OSBPL6: variants seen among roughly 807,000 people sequenced by gnomAD.
OSBPL6 encodes the protein oxysterol binding protein like 6, also known as oxysterol-binding protein-related protein 6.
In OSBPL6, 49 loss-of-function variants were observed where a neutral mutation model predicts 125.8. That is an observed-to-expected ratio of 0.39 (90% confidence interval 0.31 to 0.49). OSBPL6 has a LOEUF of 0.49. OSBPL6 is among the 20% of genes least tolerant of loss of function. OSBPL6 has a pLI of 0.88. For synonymous variants in OSBPL6, 394 were observed against 391.8 expected (o/e 1.01, Z -0.07); for missense variants, 986 against 1,135.4 (o/e 0.87, Z 1.89).
At chr2:178,352,868 C>G (rs1488241597) in intron 12 of OSBPL6, among the ~76,000 whole-genome samples, 1 of 152,110 alleles carries the variant, frequency 6.6e-6, no homozygotes, top group Non-Finnish European at 1.5e-5. Flanking sequence ...TAGGTGGGTG[C>G]CTCTCTGAGA....
intron 1 of OSBPL6, among the ~76,000 whole-genome samples, chr2:178,238,011 C>T (rs2091131918): frequency 6.6e-6 from 1 of 152,138 alleles, no homozygotes; most frequent in South Asian, 2.1e-4. Context: ...CAGCCAAATC[C>T]AGGGAATGAC....
At chr2:178,318,300 G>C (rs1185373176) in intron 3 of OSBPL6, among the ~76,000 whole-genome samples, 1 of 152,206 alleles carries the variant, frequency 6.6e-6, no homozygotes, top group Non-Finnish European at 1.5e-5. Context: ...GAAGGGATGG[G>C]ACTGTGCTCA....
At chr2:178,228,468 G>T (rs1242874904) in intron 1 of OSBPL6, among the ~76,000 whole-genome samples, 1 of 152,220 alleles carries the variant, frequency 6.6e-6, no homozygotes. Flanking sequence ...CCGGGAGGTG[G>T]AGCTTGCAGT....
At chr2:178,347,218 T>C (rs983553287) in intron 11 of OSBPL6, among the ~76,000 whole-genome samples, 1 of 152,064 alleles carries the variant, frequency 6.6e-6, no homozygotes, top group African/African-American at 2.4e-5. Flanking sequence ...CATGACCCCA[T>C]TCCTCACCCG....
chr2:178,268,496 T>C (rs10208092), intron 1 of OSBPL6, among the ~76,000 whole-genome samples: 2,426 of 152,310 alleles, frequency 0.016, 68 homozygotes, highest in African/African-American at 0.055. Context: ...GATGAAGATA[T>C]AGAGCATTTC....
intron 11 of OSBPL6, among the ~76,000 whole-genome samples, chr2:178,347,445 A>G (rs1013350567): frequency 7.4e-6 from 1 of 134,922 alleles, no homozygotes; most frequent in Non-Finnish European, 1.6e-5. Flanking sequence ...GTCTCTCCCC[A>G]TGACATCCTA....
chr2:178,226,428 C>T (rs1207271964), intron 1 of OSBPL6, among the ~76,000 whole-genome samples: 6 of 152,172 alleles, frequency 3.9e-5, no homozygotes. Context: ...GAAGGCTAGA[C>T]AATGGGTCTG....
chr2:178,273,965 T>A (rs780180439), intron 1 of OSBPL6, among the ~76,000 whole-genome samples: 6 of 152,134 alleles, frequency 3.9e-5, no homozygotes, highest in Admixed American at 2.0e-4. Flanking sequence ...GAAAGCTGAG[T>A]CATTGAGCTC....
chr2:178,384,885 A>G (rs1452961971), intron 18 of OSBPL6, among the ~76,000 whole-genome samples: 19 of 152,172 alleles, frequency 1.2e-4, no homozygotes, highest in Non-Finnish European at 8.8e-5. Context: ...TTTAAAAAAA[A>G]AAAAAAATCT....
rs560477223 is a variant in OSBPL6 at position 178,352,429 on chromosome 2, G to C, written c.1153+3040G>C. The stretch of plus-strand genomic sequence containing the variant: ...GGTCTTAGCAACCAGCAGACAAGGA[G>C]ATTCTCTCCTGTGCCTGGCTTGGTG... On this transcript the variant is annotated intron_variant, in intron 12 of 24. Coordinates refer to ENST00000190611, the MANE Select transcript of OSBPL6 (RefSeq NM_032523.4). 8.3e-4 allele frequency among the ~76,000 whole-genome samples: 126 copies of C among 152,358 alleles called. 1 individual carries two copies. The highest frequency in any genetic ancestry group is 1.4e-3 in the Non-Finnish European group (98 of 68,030).
intron 1 of OSBPL6, among the ~76,000 whole-genome samples, chr2:178,250,958 T>TAAA (rs74763068): frequency 7.4e-6 from 1 of 135,694 alleles, no homozygotes; most frequent in Non-Finnish European, 1.6e-5. Flanking sequence ...AATATTGGAA[T>TAAA]AAAAAAAAAA....
At chr2:178,263,092 G>T (rs1177862734) in intron 1 of OSBPL6, among the ~76,000 whole-genome samples, 1 of 152,132 alleles carries the variant, frequency 6.6e-6, no homozygotes, top group African/African-American at 2.4e-5. Context: ...AACTTTTGCT[G>T]GATCTTATCT....
chr2:178,201,040 CACCTCA>C (rs2089231706), intron 1 of OSBPL6, among the ~76,000 whole-genome samples: 1 of 151,942 alleles, frequency 6.6e-6, no homozygotes, highest in Non-Finnish European at 1.5e-5. Context: ...GTGATCTGCC[CACCTCA>C]GCCTCCAAAA....
At chr2:178,359,006 C>T (rs1692076983) in intron 12 of OSBPL6, among the ~76,000 whole-genome samples, 1 of 151,818 alleles carries the variant, frequency 6.6e-6, no homozygotes, top group African/African-American at 2.4e-5. Flanking sequence ...TCCATCTCCA[C>T]AAAAAATAAA....
At chr2:178,341,675 G>T (rs1189449044) in intron 11 of OSBPL6, among the ~76,000 whole-genome samples, 1 of 152,178 alleles carries the variant, frequency 6.6e-6, no homozygotes, top group Non-Finnish European at 1.5e-5. Context: ...GGAAGTGGGA[G>T]ATTTAGTTCC....
chr2:178,345,831 T>G (rs1690645320), intron 11 of OSBPL6, among the ~76,000 whole-genome samples: 1 of 152,208 alleles, frequency 6.6e-6, no homozygotes, highest in Non-Finnish European at 1.5e-5. Context: ...TTCATTCTTT[T>G]AAATTGCAGA....
chr2:178,384,872 C>CT lies in OSBPL6; in HGVS notation c.2014-581dup, dbSNP rs200495149. Among the ~76,000 whole-genome samples the CT allele has an allele frequency of 1.7e-3, 258 of 148,000 alleles. 1 individual carries two copies. The highest frequency in any genetic ancestry group is 3.4e-3 in the Middle Eastern group (1 of 294). ...GCAAATTGTGAGGGAGAGAGGTAGCCTTTTTAAAAAAAAAAAAAAATCTTT... is the reference window on the plus strand; with the variant it reads ...GCAAATTGTGAGGGAGAGAGGTAGCCTTTTTTAAAAAAAAAAAAAAATCTTT... On this transcript the variant is annotated intron_variant, in intron 18 of 24. Coordinates refer to ENST00000190611, the MANE Select transcript of OSBPL6 (RefSeq NM_032523.4).
At chr2:178,313,531 C>T (rs1292466602) in intron 3 of OSBPL6, among the ~76,000 whole-genome samples, 12 of 151,436 alleles carry the variant, frequency 7.9e-5, no homozygotes, top group East Asian at 1.9e-4. Flanking sequence ...AGCCAGCCCT[C>T]GTAATGACTC....
intron 20 of OSBPL6, 95 bp from the exon 21 acceptor site, chr2:178,388,914 A>C (rs1695171157): frequency 7.6e-7 from 1 of 1,315,088 alleles, no homozygotes; most frequent in Non-Finnish European, 1.0e-6. Context: ...ATGAGGGAAA[A>C]GGAAGCTTTG....
Sources: allele counts gnomAD v4.1 joint callset (sites outside exome capture counted in the v4.1 genomes callset), GRCh38; gene constraint gnomAD v4.1.1; transcripts MANE v1.5; gene names NCBI Gene and HGNC (gene_info 2026-07-23, HGNC 2026-07-21).